EREG: variants seen among roughly 807,000 people sequenced by gnomAD.
EREG encodes the protein epiregulin, also known as proepiregulin.
A neutral mutation model predicts 22.4 loss-of-function variants in EREG; 23 were observed. The observed-to-expected ratio is 1.03, with a 90% CI of 0.74 to 1.46. EREG has a LOEUF of 1.46. EREG is among the 40% of genes most tolerant of loss of function. The probability of loss-of-function intolerance (pLI) is 0.00; values close to 1 mark genes in which losing one functional copy is unlikely to be tolerated. For synonymous variants in EREG, 100 were observed against 75.4 expected, an observed-to-expected ratio of 1.33 and a Z score of -1.69; for missense variants, 226 against 205.9, an observed-to-expected ratio of 1.10 and a Z score of -0.60.
intron 1 of EREG, among the ~76,000 whole-genome samples, chr4:74,368,520 C>G (rs1183473517): frequency 6.6e-6 from 1 of 152,054 alleles, no homozygotes; most frequent in Non-Finnish European, 1.5e-5. Context: ...TAGCCCATTC[C>G]TGTTAACTGT....
chr4:74,375,303 A>ATTT (rs1752359604), intron 1 of EREG, among the ~76,000 whole-genome samples: 2 of 107,400 alleles, frequency 1.9e-5, no homozygotes, highest in Admixed American at 1.1e-4. Context: ...ATGACTAGCG[A>ATTT]TTCTTTTTTT....
intron 1 of EREG, among the ~76,000 whole-genome samples, chr4:74,376,994 A>G (rs1451966642): frequency 6.6e-6 from 1 of 152,156 alleles, no homozygotes; most frequent in Non-Finnish European, 1.5e-5. Context: ...AGAAAAAATA[A>G]AATTCTTGTA....
intron 1 of EREG, among the ~76,000 whole-genome samples, chr4:74,375,723 T>C (rs1045580471): frequency 1.3e-5 from 2 of 152,164 alleles, no homozygotes; most frequent in Non-Finnish European, 2.9e-5. Context: ...TCTTCTACCC[T>C]AGTTTGCAAG....
At chr4:74,375,794 G>A (rs1299454886) in intron 1 of EREG, among the ~76,000 whole-genome samples, 1 of 152,176 alleles carries the variant, frequency 6.6e-6, no homozygotes, top group East Asian at 1.9e-4. Flanking sequence ...AAGCAATAGT[G>A]CTGTGCAGAT....
At chr4:74,379,269 T>TG (rs1327389856) in intron 1 of EREG, among the ~76,000 whole-genome samples, 179 bp from the exon 2 acceptor site, 3 of 152,176 alleles carry the variant, frequency 2.0e-5, no homozygotes, top group Non-Finnish European at 4.4e-5. Flanking sequence ...ACAGAATAGC[T>TG]GGGGGAGTTT....
chr4:74,365,151 C>T lies in EREG; in HGVS notation c.-158C>T, dbSNP rs1457362634. 7 of 630,818 alleles carry T rather than the reference C, an allele frequency of 1.1e-5. No homozygotes were observed. The highest frequency in any genetic ancestry group is 2.0e-5 in the Non-Finnish European group (7 of 353,524). The allele number at this position is 630,818 out of a possible 1,614,324, so 39.1% of individuals were successfully genotyped here. A position where few individuals can be genotyped will look rare whatever the true frequency, so the allele number is the denominator to read the frequency against. On this transcript the variant is annotated 5_prime_UTR_variant, in exon 1 of 5. Coordinates refer to ENST00000244869, the MANE Select transcript of EREG (RefSeq NM_001432.3). ...GCACCAGACAGTTGAGCTCACTTGC[C>T]TGATATTTCCAGTGTCAGAGGGACA...
At position 74,385,037 on chromosome 4, in the gene EREG, T is replaced by C. The variant is rs540040271; in HGVS notation, c.*229T>C. On this transcript the variant is annotated 3_prime_UTR_variant, in exon 5 of 5. Transcript: ENST00000244869. ...AAGAAAATTGATATTTTTATACAAG[T>C]AATTTCCTGAGCTAAATGCTTCATT... 18 of 399,980 alleles carry C rather than the reference T, an allele frequency of 4.5e-5. No individual in the cohort carries two copies. In the East Asian group the frequency reaches 7.2e-4, roughly 16 times the overall value. The allele number at this position is 399,980 out of a possible 1,614,324, so 24.8% of individuals were successfully genotyped here.
At chr4:74,365,585 G>C (rs1329482325) in intron 1 of EREG, among the ~76,000 whole-genome samples, 3 of 151,636 alleles carry the variant, frequency 2.0e-5, no homozygotes, top group African/African-American at 7.3e-5. Context: ...CTTTTTATTG[G>C]TGAATTAATT....
chr4:74,367,082 A>T (rs1752198842), intron 1 of EREG, among the ~76,000 whole-genome samples: 1 of 152,240 alleles, frequency 6.6e-6, no homozygotes, highest in Non-Finnish European at 1.5e-5. Context: ...CCCAGCAAAA[A>T]AGAGCGAGAC....
intron 1 of EREG, among the ~76,000 whole-genome samples, chr4:74,367,824 C>T (rs930277573): frequency 3.3e-5 from 5 of 152,124 alleles, no homozygotes; most frequent in Admixed American, 3.3e-4. Context: ...CACAGTCTTG[C>T]CATGTGAGCA....
chr4:74,369,643 T>G (rs1443023120), intron 1 of EREG, among the ~76,000 whole-genome samples: 1 of 152,182 alleles, frequency 6.6e-6, no homozygotes, highest in Non-Finnish European at 1.5e-5. Context: ...AATTTTAAAT[T>G]TGAGGCATGA....
chr4:74,383,473 G>A (rs954480015), intron 4 of EREG, among the ~76,000 whole-genome samples: 9 of 152,038 alleles, frequency 5.9e-5, no homozygotes, highest in African/African-American at 1.9e-4. Context: ...CAAAACAGTC[G>A]TACCTCATCC....
At chr4:74,382,850 A>T (rs771047302) in intron 4 of EREG, 56 bp downstream of exon 4, 98 of 1,306,806 alleles carry the variant, frequency 7.5e-5, no homozygotes, top group Admixed American at 2.7e-4. Context: ...CATAATGCAG[A>T]CCTATAAACT....
At chr4:74,382,564 G>A in intron 3 of EREG, 81 bp from the exon 4 acceptor site, 4 of 1,136,218 alleles carry the variant, frequency 3.5e-6, no homozygotes, top group Non-Finnish European at 5.1e-6. Context: ...ACAGTGTGAT[G>A]TTAGTCCTTA....
chr4:74,374,411 G>A (rs1414409163), intron 1 of EREG, among the ~76,000 whole-genome samples: 3 of 152,156 alleles, frequency 2.0e-5, no homozygotes, highest in African/African-American at 7.2e-5. Context: ...AATGGCTCAA[G>A]CCTGTAATCC....
intron 4 of EREG, among the ~76,000 whole-genome samples, chr4:74,383,674 G>A (rs991157483): frequency 1.2e-4 from 18 of 152,070 alleles, no homozygotes; most frequent in African/African-American, 2.9e-4. Context: ...GTGAATTTAC[G>A]TTTTTATTTT....
chr4:74,370,306 C>A (rs901932009), intron 1 of EREG, among the ~76,000 whole-genome samples: 2 of 152,148 alleles, frequency 1.3e-5, no homozygotes, highest in African/African-American at 4.8e-5. Context: ...CATCTTTTAT[C>A]ATTTCTATTG....
At chr4:74,377,328 G>T (rs60611827) in intron 1 of EREG, among the ~76,000 whole-genome samples, 11,448 of 152,016 alleles carry the variant, frequency 0.075, 747 homozygotes, top group African/African-American at 0.17. Flanking sequence ...TCTATGTTGG[G>T]TTAAATACTC....
chr4:74,376,085 C>A (rs1752377912), intron 1 of EREG, among the ~76,000 whole-genome samples: 1 of 152,078 alleles, frequency 6.6e-6, no homozygotes, highest in African/African-American at 2.4e-5. Context: ...TCACCTGTGG[C>A]CTGAACAACT....
Sources: gnomAD v4.1 joint callset for allele counts (sites outside exome capture counted in the v4.1 genomes callset) on GRCh38, gnomAD v4.1.1 for gene constraint, MANE v1.5 for transcripts, NCBI Gene and HGNC (gene_info 2026-07-23, HGNC 2026-07-21) for gene names.